Variants in RIPOR1 observed in about 807,000 individuals in gnomAD.
RIPOR1 encodes the protein rho family-interacting cell polarization regulator 1.
A neutral mutation model predicts 116.5 loss-of-function variants in RIPOR1; 58 were observed. The ratio of observed to expected loss-of-function variants is 0.50; its 90% CI spans 0.40 to 0.62. RIPOR1 has a LOEUF of 0.62. Among genes scored for constraint, RIPOR1 ranks in the 20% least tolerant of loss-of-function variants. RIPOR1 has a pLI of 0.00. For synonymous variants in RIPOR1, 605 were observed against 650.0 expected, an observed-to-expected ratio of 0.93 and a Z score of 1.05; for missense variants, 1,372 against 1,586.2, an observed-to-expected ratio of 0.86 and a Z score of 2.29.
chr16:67,522,695 AC>A (rs1180195458), intron 1 of RIPOR1, among the ~76,000 whole-genome samples: 2 of 150,540 alleles, frequency 1.3e-5, no homozygotes, highest in South Asian at 2.1e-4. Flanking sequence ...CTCACTCCCT[AC>A]CCCGCCCTCA....
chr16:67,544,284 C>T lies in RIPOR1; in HGVS notation c.2601-15C>T. ...ATGTGTGCCTGTGGGGTGGTGGACC[C>T]CATTTTTCCCTCAGGCCTCCAAGCA... is the stretch of plus-strand genomic sequence containing the variant. On this transcript the variant is annotated splice_polypyrimidine_tract_variant and intron_variant, in intron 14 of 21. Transcript: ENST00000042381. The surrounding 1 kb of genome is among the most constrained non-coding windows in gnomAD (Gnocchi z 5.1). 2 of 1,589,394 alleles carry T rather than the reference C, an allele frequency of 1.3e-6. No individual in the cohort carries two copies. Among genetic ancestry groups the T allele is most frequent in the Non-Finnish European group, 1.7e-6 (2 of 1,161,108 alleles).
Position 67,529,760 on chromosome 16 carries a change from A to C in RIPOR1, c.-24+846A>C. 3 of 1,534,808 alleles carry C rather than the reference A, an allele frequency of 2.0e-6. No individual in the cohort carries two copies. In the South Asian group the frequency reaches 3.6e-5, roughly 18 times the overall value. On this transcript the variant is annotated intron_variant, in intron 1 of 21. Coordinates refer to ENST00000042381, the MANE Select transcript of RIPOR1 (RefSeq NM_024519.4). This position sits in a 1 kb window ranked among gnomAD's most constrained non-coding sequence, Gnocchi z 4.1. ...GTAACAATACTTGTGCCCTGGCTGCAGTCTGCGGGGCCGCGCCCTGGGCCT... is the reference window on the plus strand; with the variant it reads ...GTAACAATACTTGTGCCCTGGCTGCCGTCTGCGGGGCCGCGCCCTGGGCCT...
intron 3 of RIPOR1, 31 bp from the exon 4 acceptor site, chr16:67,538,959 A>C (rs745940045): frequency 6.2e-7 from 1 of 1,613,300 alleles, no homozygotes; most frequent in Non-Finnish European, 8.5e-7. Context: ...TGGAGAGCCG[A>C]GTTCATTCTT....
rs1301254957 is a variant in RIPOR1, at chr16:67,538,523, T to A, written c.77T>A (p.Val26Asp). ...RVNRSQSFAGVLGSHERGPRS... is the reference protein window; with the variant it reads ...RVNRSQSFAGDLGSHERGPRS... The stretch of plus-strand genomic sequence containing the variant: ...AATAGGAGCCAGTCCTTCGCAGGCG[T>A]CCTCGGCAGCCACGAGCGGGGGCCC... Residue 26 changes from valine to aspartate, a missense_variant, in exon 2 of 22, where the codon GTC (valine) becomes GAC (aspartate). Transcript: ENST00000042381. 1 of 1,612,056 alleles carries A rather than the reference T, an allele frequency of 6.2e-7. No individual in the cohort carries two copies. Among genetic ancestry groups the A allele is most frequent in the East Asian group, 2.2e-5 (1 of 44,836 alleles).
chr16:67,542,674 A>G lies in RIPOR1; in HGVS notation c.1888A>G (p.Thr630Ala). ...TSPTHTPTSP[T>A]HKTSMSPPTT... is the part of the protein sequence containing the mutation. ...CCCCACCCATACCCCCACAAGTCCC[A>G]CCCACAAAACCAGTATGTCACCTCC... Residue 630 changes from threonine to alanine, a missense_variant, in exon 13 of 22, where the codon ACC becomes GCC. This residue lies in a region of RIPOR1 where 1,005 missense variants were observed against 1,144.7 expected (regional missense o/e 0.88). Coordinates refer to ENST00000042381, the MANE Select transcript of RIPOR1 (RefSeq NM_024519.4). The surrounding 1 kb of genome is among the most constrained non-coding windows in gnomAD (Gnocchi z 4.6). The G allele has an allele frequency of 6.2e-7, 1 of 1,611,226 alleles. No homozygotes were observed. The highest frequency in any genetic ancestry group is 2.2e-5 in the East Asian group (1 of 44,776).
Position 67,539,719 on chromosome 16 carries a change from C to T in RIPOR1, c.337-9C>T. On this transcript the variant is annotated splice_polypyrimidine_tract_variant and intron_variant, in intron 4 of 21. Transcript: ENST00000042381. ...CCTAAATATTTGCCCCTTCTCCCCA[C>T]CCCTGCAGGGCTTCCTGTATGATCT... 1 of 1,614,136 alleles carries T rather than the reference C, an allele frequency of 6.2e-7. No individual in the cohort carries two copies. The highest frequency in any genetic ancestry group is 1.1e-5 in the South Asian group (1 of 91,086).
In RIPOR1 at chr16:67,537,583, A is replaced by G; in HGVS notation, c.-23-841A>G. On this transcript the variant is annotated intron_variant, in intron 1 of 21. Coordinates refer to ENST00000042381, the MANE Select transcript of RIPOR1 (RefSeq NM_024519.4). The surrounding 1 kb of genome is among the most constrained non-coding windows in gnomAD (Gnocchi z 4.6). ...GGGGGCCGTCCCGGACCCACCATGA[A>G]CACCAAGAAGAGAGGTAGGACCCAG... 1 of 1,420,928 alleles carries G rather than the reference A, an allele frequency of 7.0e-7. No homozygotes were observed. 88.0% of individuals were successfully genotyped at this position (1,420,928 alleles called of 1,614,324 possible). A position where few individuals can be genotyped will look rare whatever the true frequency, so the allele number is the denominator to read the frequency against.
Position 67,543,298 on chromosome 16 carries a change from G to A in RIPOR1, c.2478+34G>A. On this transcript the variant is annotated intron_variant, in intron 13 of 21. Coordinates refer to ENST00000042381, the MANE Select transcript of RIPOR1 (RefSeq NM_024519.4). The surrounding 1 kb of genome is among the most constrained non-coding windows in gnomAD (Gnocchi z 4.7). ...GGCTGGGCTGGGCTAGGGCAACCAGGGAGGGCAGCCAGGGGGCGGCAGCCG... is the reference window on the plus strand; with the variant it reads ...GGCTGGGCTGGGCTAGGGCAACCAGAGAGGGCAGCCAGGGGGCGGCAGCCG... 1 of 1,606,406 alleles carries A rather than the reference G, an allele frequency of 6.2e-7. No individual in the cohort carries two copies. The highest frequency in any genetic ancestry group is 8.5e-7 in the Non-Finnish European group (1 of 1,177,386).
chr16:67,545,608 G>A lies in RIPOR1; in HGVS notation c.3191-56G>A, dbSNP rs1301858684. 13 of 1,583,458 alleles carry A rather than the reference G, an allele frequency of 8.2e-6. No homozygotes were observed. Among genetic ancestry groups the A allele is most frequent in the East Asian group, 4.5e-5 (2 of 44,480 alleles). ...ATGAGGACAAGCCCTCCCCAACCTC[G>A]GGGGCTCCTCACCCTGCCACCTTGC... is the stretch of plus-strand genomic sequence containing the variant. On this transcript the variant is annotated intron_variant, in intron 18 of 21. Transcript: ENST00000042381. The surrounding 1 kb of genome is among the most constrained non-coding windows in gnomAD (Gnocchi z 4.8).
chr16:67,546,319 T>G (rs1398760189), intron 21 of RIPOR1, 47 bp from the exon 22 acceptor site: 1 of 1,606,776 alleles, frequency 6.2e-7, no homozygotes, highest in African/African-American at 1.3e-5. Context: ...GGTGGGAGAG[T>G]GGGATGGGGC....
Position 67,543,426 on chromosome 16 carries a change from C to G in RIPOR1, c.2557C>G (p.Leu853Val). The G allele has an allele frequency of 6.4e-7, 1 of 1,568,378 alleles. No homozygotes were observed. The highest frequency in any genetic ancestry group is 1.2e-5 in the South Asian group (1 of 85,612). The change falls in exon 14 of 22, where the codon CTC becomes GTC. Residue 853 changes from leucine to valine, a missense_variant. Physicochemically the swap from Leu to Val is conservative, Grantham distance 32. This residue lies in a region of RIPOR1 where 1,005 missense variants were observed against 1,144.7 expected (regional missense o/e 0.88). Transcript: ENST00000042381. The surrounding 1 kb of genome is among the most constrained non-coding windows in gnomAD (Gnocchi z 4.7). The stretch of plus-strand genomic sequence containing the variant: ...GCATGCCTTGGAGAGCTTCAGCTTC[C>G]TCAATGAAGACGAAGATGAAGACAA... ...VEHALESFSF[L>V]NEDEDEDNDV...
At chr16:67,523,580 T>G (rs1251651608) in intron 1 of RIPOR1, among the ~76,000 whole-genome samples, 5 of 151,586 alleles carry the variant, frequency 3.3e-5, no homozygotes. Context: ...CACAGATGTT[T>G]TCCTGCATGA....
Position 67,545,243 on chromosome 16 carries a change from T to C in RIPOR1, c.3031+126T>C. 6.6e-7 allele frequency: 1 copy of C among 1,522,292 alleles called. No homozygotes were observed. The highest frequency in any genetic ancestry group is 8.9e-7 in the Non-Finnish European group (1 of 1,122,482). 94.3% of individuals were successfully genotyped at this position (1,522,292 alleles called of 1,614,324 possible). On this transcript the variant is annotated intron_variant, in intron 17 of 21. Transcript: ENST00000042381. The surrounding 1 kb of genome is among the most constrained non-coding windows in gnomAD (Gnocchi z 4.8). ...GAGGAGACCAGCAAAGACTTGGGCC[T>C]TAGAGCAGAAGGACCCAGATGGGTG...
In RIPOR1 at chr16:67,542,802, C is replaced by A; in HGVS notation, c.2016C>A (p.Ile672=). ...CCACCCATCCCACCACAAGCCCCATCCTTATAAATGTAAGCCCTTCCACTT... is the reference window on the plus strand; with the variant it reads ...CCACCCATCCCACCACAAGCCCCATACTTATAAATGTAAGCCCTTCCACTT... ...TSPTHPTTSP[I]LINVSPSTSL... Residue 672 remains isoleucine (I), a synonymous_variant, in exon 13 of 22, where the codon ATC becomes ATA. Coordinates refer to ENST00000042381, the MANE Select transcript of RIPOR1 (RefSeq NM_024519.4). The surrounding 1 kb of genome is among the most constrained non-coding windows in gnomAD (Gnocchi z 4.6). 6.2e-7 allele frequency: 1 copy of A among 1,613,674 alleles called. No homozygotes were observed. Among genetic ancestry groups the A allele is most frequent in the Non-Finnish European group, 8.5e-7 (1 of 1,179,666 alleles).
intron 1 of RIPOR1, among the ~76,000 whole-genome samples, chr16:67,535,814 C>G (rs569782083): frequency 6.6e-6 from 1 of 152,198 alleles, no homozygotes; most frequent in East Asian, 1.9e-4. Flanking sequence ...ACCAGAGAGG[C>G]CAGCGATAGG....
chr16:67,536,724 A>G (rs147873164), intron 1 of RIPOR1, among the ~76,000 whole-genome samples: 4 of 152,146 alleles, frequency 2.6e-5, no homozygotes, highest in African/African-American at 7.2e-5. Context: ...AGCACACACT[A>G]TGGGGTGGAT....
chr16:67,539,238 T>G (rs1183869227), intron 4 of RIPOR1, 170 bp downstream of exon 4: 6 of 618,386 alleles, frequency 9.7e-6, no homozygotes, highest in Non-Finnish European at 1.7e-5. Context: ...AACTTTGCTG[T>G]GCATACTTTC....
At position 67,542,246 on chromosome 16, in the gene RIPOR1, A is replaced by C. The variant is rs199574998; in HGVS notation, c.1460A>C (p.His487Pro). Residue 487 changes from histidine to proline, a missense_variant, in exon 13 of 22, where the codon CAT (histidine) becomes CCT (proline). Physicochemically the swap from His to Pro is moderately conservative, Grantham distance 77. Coordinates refer to ENST00000042381, the MANE Select transcript of RIPOR1 (RefSeq NM_024519.4). The surrounding 1 kb of genome is among the most constrained non-coding windows in gnomAD (Gnocchi z 4.6). ...PSPPTHPAPT[H>P]GEHPSPVPPA... is the part of the protein sequence containing the mutation. ...CCACCTACACACCCAGCTCCCACCC[A>C]TGGAGAGCACCCCAGTCCTGTTCCT... is the stretch of plus-strand genomic sequence containing the variant. The C allele has an allele frequency of 1.4e-5, 23 of 1,613,452 alleles. No individual in the cohort carries two copies. The highest frequency in any genetic ancestry group is 1.7e-5 in the Non-Finnish European group (20 of 1,179,720).
Position 67,542,495 on chromosome 16 carries a change from C to T in RIPOR1, c.1709C>T (p.Thr570Ile), listed in dbSNP as rs1240766109. The T allele has an allele frequency of 6.2e-7, 1 of 1,613,988 alleles. No individual in the cohort carries two copies. The highest frequency in any genetic ancestry group is 1.1e-5 in the South Asian group (1 of 91,082). The change falls in exon 13 of 22, where the codon ACT (threonine) becomes ATT (isoleucine). Residue 570 changes from threonine (T) to isoleucine (I), a missense_variant. Thr to Ile is a moderately conservative substitution (Grantham distance 89, BLOSUM62 -1). This residue lies in a region of RIPOR1 where 1,005 missense variants were observed against 1,144.7 expected (regional missense o/e 0.88). Transcript: ENST00000042381. The surrounding 1 kb of genome is among the most constrained non-coding windows in gnomAD (Gnocchi z 4.6). ...HSAPSPLTHT[T>I]TGSTHKPIIS... ...GCTCCAAGCCCCCTCACTCACACTA[C>T]TACAGGCTCCACCCACAAGCCCATA... is the stretch of plus-strand genomic sequence containing the variant.
Sources: gnomAD v4.1 joint callset for allele counts (sites outside exome capture counted in the v4.1 genomes callset) on GRCh38, gnomAD v4.1.1 for gene constraint, gnomAD v4.1.1 regional missense constraint, Gnocchi (gnomAD v3.1) non-coding constraint, MANE v1.5 for transcripts, NCBI Gene and HGNC (gene_info 2026-07-23, HGNC 2026-07-21) for gene names.